Variants in PROK1 observed in about 807,000 individuals in gnomAD.
PROK1 encodes the protein prokineticin 1, also known as prokineticin-1.
Under a neutral mutation model 8.8 loss-of-function variants are expected in PROK1, and 10 were observed. That is an observed-to-expected ratio of 1.13 (90% CI 0.70 to 1.92). The LOEUF (loss-of-function observed/expected upper bound fraction) is 1.92. Among genes scored for constraint, PROK1 ranks in the 30% most tolerant of loss-of-function variants. The probability of loss-of-function intolerance (pLI) is 0.00; values close to 1 mark genes in which losing one functional copy is unlikely to be tolerated. For missense variants in PROK1, 140 were observed against 139.7 expected (o/e 1.00, Z -0.01); for synonymous variants, 57 against 56.0 (o/e 1.02, Z -0.08).
At position 110,451,183 on chromosome 1, in the gene PROK1, A is replaced by C; in HGVS notation, c.-34A>C. 6.2e-7 allele frequency: 1 copy of C among 1,607,418 alleles called. No homozygotes were observed. The highest frequency in any genetic ancestry group is 8.5e-7 in the Non-Finnish European group (1 of 1,173,888). On this transcript the variant is annotated 5_prime_UTR_variant, in exon 1 of 3. Coordinates refer to ENST00000271331, the MANE Select transcript of PROK1 (RefSeq NM_032414.3). The stretch of plus-strand genomic sequence containing the variant: ...AGCGGGAGGAAGCGAGAGGCATCTA[A>C]GCAGGCAGTGTTTTGCCTTCACCCC...
At chr1:110,455,245 T>G (rs1396241072) in intron 2 of PROK1, among the ~76,000 whole-genome samples, 3 of 152,234 alleles carry the variant, frequency 2.0e-5, no homozygotes, top group Non-Finnish European at 4.4e-5. Flanking sequence ...CATGTACCCC[T>G]CTGTCTGAAT....
chr1:110,451,340 C>A, intron 1 of PROK1, 52 bp downstream of exon 1: 1 of 1,529,792 alleles, frequency 6.5e-7, no homozygotes, highest in Non-Finnish European at 9.1e-7. Flanking sequence ...ATGTCAGGGT[C>A]TGCACGGGTT....
At chr1:110,453,858 CTCT>C (rs1664127865) in intron 1 of PROK1, 100 bp from the exon 2 acceptor site, 23 of 1,490,422 alleles carry the variant, frequency 1.5e-5, no homozygotes, top group Non-Finnish European at 2.1e-5. Context: ...TACTCTCAGC[CTCT>C]TCTTGCTCCA....
rs764569964 is a variant in PROK1, at chr1:110,456,485, C to T, written c.*134C>T. 4.3e-5 allele frequency: 48 copies of T among 1,112,280 alleles called. No individual in the cohort carries two copies. The highest frequency in any genetic ancestry group is 9.2e-5 in the African/African-American group (6 of 65,558). The allele number at this position is 1,112,280 out of a possible 1,614,324, so 68.9% of individuals were successfully genotyped here. On this transcript the variant is annotated 3_prime_UTR_variant, in exon 3 of 3. Coordinates refer to ENST00000271331, the MANE Select transcript of PROK1 (RefSeq NM_032414.3). Reference sequence around the variant, plus strand: ...CTACCCTGATCTCTCTTGTCTAGTACGCACATATGCACACAGGCAGACATA... The same window carrying T: ...CTACCCTGATCTCTCTTGTCTAGTATGCACATATGCACACAGGCAGACATA...
chr1:110,455,306 G>A (rs957121614), intron 2 of PROK1, among the ~76,000 whole-genome samples: 1 of 152,186 alleles, frequency 6.6e-6, no homozygotes. Context: ...CTTCCACCTG[G>A]ACTCAGGCAT....
intron 1 of PROK1, among the ~76,000 whole-genome samples, chr1:110,452,521 C>T (rs1212863677): frequency 2.0e-5 from 3 of 152,244 alleles, no homozygotes; most frequent in African/African-American, 7.2e-5. Context: ...GCTTGCCTCA[C>T]CACCCGTGCC....
At chr1:110,452,712 C>T (rs1005680191) in intron 1 of PROK1, among the ~76,000 whole-genome samples, 1 of 152,286 alleles carries the variant, frequency 6.6e-6, no homozygotes, top group African/African-American at 2.4e-5. Context: ...AGGCTCCCCA[C>T]ATCCTCCATG....
In PROK1 at chr1:110,451,343, C is replaced by T. The variant is rs1664087351; in HGVS notation, c.72+55C>T. ...GGTTTTGGGAAGATGTCAGGGTCTG[C>T]ACGGGTTGTGAGCCCAGGAACCATG... On this transcript the variant is annotated intron_variant, in intron 1 of 2. Transcript: ENST00000271331. The T allele has an allele frequency of 2.6e-6, 4 of 1,515,648 alleles. No individual in the cohort carries two copies. In the South Asian group the frequency reaches 4.5e-5, roughly 17 times the overall value. The allele number at this position is 1,515,648 out of a possible 1,614,324, so 93.9% of individuals were successfully genotyped here. A position where few individuals can be genotyped will look rare whatever the true frequency, so the allele number is the denominator to read the frequency against.
chr1:110,454,033 A>G lies in PROK1; in HGVS notation c.145A>G (p.Met49Val), dbSNP rs764406554. The part of the protein sequence containing the change: ...AISLWLRGLR[M>V]CTPLGREGEE... ...CAGCCTGTGGCTTCGAGGGCTGCGG[A>G]TGTGCACCCCGCTGGGGCGGGAAGG... The change falls in exon 2 of 3, where the codon ATG (methionine) becomes GTG (valine). Residue 49 changes from methionine (M) to valine (V), a missense_variant. Met to Val is a conservative substitution (Grantham distance 21). Coordinates refer to ENST00000271331, the MANE Select transcript of PROK1 (RefSeq NM_032414.3). 4.3e-6 allele frequency: 7 copies of G among 1,614,102 alleles called. No individual in the cohort carries two copies. The East Asian group carries it at 1.6e-4, about 36-fold the overall frequency.
intron 2 of PROK1, among the ~76,000 whole-genome samples, chr1:110,454,964 A>C (rs1431500901): frequency 6.6e-6 from 1 of 152,140 alleles, no homozygotes; most frequent in Non-Finnish European, 1.5e-5. Flanking sequence ...CTAAGTACAT[A>C]GCTCCTGCCT....
intron 1 of PROK1, 69 bp downstream of exon 1, chr1:110,451,357 C>T: frequency 7.2e-7 from 1 of 1,391,794 alleles, no homozygotes; most frequent in South Asian, 1.2e-5. Flanking sequence ...GGTTGTGAGC[C>T]CAGGAACCAT....
At chr1:110,455,601 C>A (rs1664160245) in intron 2 of PROK1, among the ~76,000 whole-genome samples, 1 of 152,204 alleles carries the variant, frequency 6.6e-6, no homozygotes, top group Non-Finnish European at 1.5e-5. Context: ...ATACTGGGTG[C>A]TTTTTGTTAT....
chr1:110,454,240 C>T (rs1664136455), intron 2 of PROK1, among the ~76,000 whole-genome samples, 154 bp downstream of exon 2: 1 of 152,222 alleles, frequency 6.6e-6, no homozygotes, highest in Non-Finnish European at 1.5e-5. Flanking sequence ...GGACTTCACC[C>T]TCCTCTGATA....
In PROK1 at chr1:110,456,829, T is replaced by C. The variant is rs920890293; in HGVS notation, c.*478T>C. On this transcript the variant is annotated 3_prime_UTR_variant, in exon 3 of 3. Coordinates refer to ENST00000271331, the MANE Select transcript of PROK1 (RefSeq NM_032414.3). ...CTGTGAGGACCAATTTGTGGGTAGT[T>C]CATCTTCCCTCGATTGGTTAACTCC... 5 of 225,000 alleles carry C rather than the reference T, an allele frequency of 2.2e-5. No homozygotes were observed. Among genetic ancestry groups the C allele is most frequent in the South Asian group, 7.2e-5 (1 of 13,926 alleles). 13.9% of individuals were successfully genotyped at this position (225,000 alleles called of 1,614,324 possible).
intron 1 of PROK1, among the ~76,000 whole-genome samples, chr1:110,453,332 C>T (rs1458856312): frequency 6.6e-6 from 1 of 152,176 alleles, no homozygotes; most frequent in Admixed American, 6.5e-5. Context: ...GGTACCTTCC[C>T]CAAACCAGGC....
Position 110,456,427 on chromosome 1 carries a change from C to T in PROK1, c.*76C>T. On this transcript the variant is annotated 3_prime_UTR_variant, in exon 3 of 3. Coordinates refer to ENST00000271331, the MANE Select transcript of PROK1 (RefSeq NM_032414.3). ...GGATTTTTATTTCTGCCATGAAACCCAGCTCCCATGACTCTCCCAGTCCCT... is the reference window on the plus strand; with the variant it reads ...GGATTTTTATTTCTGCCATGAAACCTAGCTCCCATGACTCTCCCAGTCCCT... 6.3e-7 allele frequency: 1 copy of T among 1,583,844 alleles called. No homozygotes were observed. Among genetic ancestry groups the T allele is most frequent in the Non-Finnish European group, 8.6e-7 (1 of 1,160,972 alleles).
intron 2 of PROK1, among the ~76,000 whole-genome samples, chr1:110,454,907 T>G (rs1664147664): frequency 6.6e-6 from 1 of 152,150 alleles, no homozygotes; most frequent in South Asian, 2.1e-4. Flanking sequence ...AGGCCTACAG[T>G]GAGGCAAGTG....
chr1:110,454,144 G>C (rs951274783), intron 2 of PROK1, 58 bp downstream of exon 2: 11 of 1,590,162 alleles, frequency 6.9e-6, no homozygotes, highest in Non-Finnish European at 8.6e-6. Flanking sequence ...GGGGAGCAGA[G>C]GGTGATGTCC....
chr1:110,454,251 G>GCTGATCCAGCC (rs923496004), intron 2 of PROK1, among the ~76,000 whole-genome samples, 165 bp downstream of exon 2: 1 of 152,348 alleles, frequency 6.6e-6, no homozygotes, highest in East Asian at 1.9e-4. Context: ...TCCTCTGATA[G>GCTGATCCAGCC]CTGATCCAGC....
Sources: gnomAD v4.1 joint callset for allele counts (sites outside exome capture counted in the v4.1 genomes callset) on GRCh38, gnomAD v4.1.1 for gene constraint, MANE v1.5 for transcripts, NCBI Gene and HGNC (gene_info 2026-07-23, HGNC 2026-07-21) for gene names.